The following IGSF3 variants were observed in gnomAD, a reference collection of about 807,000 sequenced individuals.
IGSF3 encodes the protein immunoglobulin superfamily member 3.
IGSF3 carries 23 observed loss-of-function variants against 114.4 expected under a neutral mutation model. The observed-to-expected ratio is 0.20, with a 90% CI of 0.14 to 0.28. The LOEUF is 0.28. IGSF3 is among the 10% of genes least tolerant of loss of function. IGSF3 has a pLI of 1.00. For synonymous variants in IGSF3, 571 were observed against 645.2 expected, an observed-to-expected ratio of 0.88 and a Z score of 1.74; for missense variants, 1,172 against 1,591.5, an observed-to-expected ratio of 0.74 and a Z score of 4.48.
rs142857676 is a variant in IGSF3 at position 116,648,393 on chromosome 1, A to G, written c.43+17891T>C. On this transcript the variant is annotated intron_variant, in intron 2 of 10. Transcript: ENST00000369486. The surrounding 1 kb of genome is among the most constrained non-coding windows in gnomAD (Gnocchi z 4.7). ...AGAAACAGGATGCACGGGAGATCAC[A>G]CACAGAGTAAGAGGTGCCTCTCAAA... Among the ~76,000 whole-genome samples the G allele has an allele frequency of 2.0e-3, 311 of 152,322 alleles. 2 individuals carry two copies. The highest frequency in any genetic ancestry group is 7.0e-3 in the African/African-American group (291 of 41,572).
chr1:116,602,052 T>C (rs956171602), intron 6 of IGSF3, among the ~76,000 whole-genome samples: 3 of 152,242 alleles, frequency 2.0e-5, no homozygotes, highest in African/African-American at 7.2e-5. Flanking sequence ...ATGTGTGTCA[T>C]TGTTAACTTT....
chr1:116,590,827 C>T (rs560427613), intron 7 of IGSF3, among the ~76,000 whole-genome samples: 43 of 152,160 alleles, frequency 2.8e-4, no homozygotes, highest in Middle Eastern at 3.4e-3. Flanking sequence ...CCCTGTAACA[C>T]ACAGACAAAT....
Position 116,664,365 on chromosome 1 carries a change from C to T in IGSF3, c.43+1919G>A, listed in dbSNP as rs1246749827. Among the ~76,000 whole-genome samples the T allele has an allele frequency of 6.6e-6, 1 of 152,164 alleles. No homozygotes were observed. Among genetic ancestry groups the T allele is most frequent in the Admixed American group, 6.5e-5 (1 of 15,278 alleles). Reference sequence around the variant, plus strand: ...CCACTCCACAGAGTGGCCCAGAGAGCGAACAGCAGGGGGACCAGCATGCAG... The same window carrying T: ...CCACTCCACAGAGTGGCCCAGAGAGTGAACAGCAGGGGGACCAGCATGCAG... On this transcript the variant is annotated intron_variant, in intron 2 of 10. Transcript: ENST00000369486. This position sits in a 1 kb window ranked among gnomAD's most constrained non-coding sequence, Gnocchi z 4.6.
intron 2 of IGSF3, among the ~76,000 whole-genome samples, chr1:116,658,838 C>T (rs1557888432): frequency 6.6e-6 from 1 of 152,216 alleles, no homozygotes; most frequent in South Asian, 2.1e-4. Context: ...TCAGTGAACA[C>T]ATCCTGTCAG....
Position 116,592,734 on chromosome 1 carries a change from C to A in IGSF3, c.2030-3630G>T, listed in dbSNP as rs1295570208. Among the ~76,000 whole-genome samples, 1 of 152,202 alleles carries A rather than the reference C, an allele frequency of 6.6e-6. No individual in the cohort carries two copies. Among genetic ancestry groups the A allele is most frequent in the Non-Finnish European group, 1.5e-5 (1 of 68,042 alleles). On this transcript the variant is annotated intron_variant, in intron 7 of 10. Coordinates refer to ENST00000369486, the MANE Select transcript of IGSF3 (RefSeq NM_001007237.3). This position sits in a 1 kb window ranked among gnomAD's most constrained non-coding sequence, Gnocchi z 4.5. ...ACGCTCTACTATAGCTGTGTTACTG[C>A]TGCCTTACAACGAAGGTAATTCTTA...
At position 116,633,170 on chromosome 1, in the gene IGSF3, C is replaced by A. The variant is rs1453955607; in HGVS notation, c.44-16713G>T. Reference sequence around the variant, plus strand: ...GCTAAGAAGTTGGTCCCAGCCTGGGCATGGTACCACTGTCCTACATTCCAG... The same window carrying A: ...GCTAAGAAGTTGGTCCCAGCCTGGGAATGGTACCACTGTCCTACATTCCAG... On this transcript the variant is annotated intron_variant, in intron 2 of 10. Transcript: ENST00000369486. The surrounding 1 kb of genome is among the most constrained non-coding windows in gnomAD (Gnocchi z 4.3). 6.6e-6 allele frequency among the ~76,000 whole-genome samples: 1 copy of A among 152,242 alleles called. No homozygotes were observed. Among genetic ancestry groups the A allele is most frequent in the African/African-American group, 2.4e-5 (1 of 41,466 alleles).
rs1378691771 is a variant in IGSF3, at chr1:116,598,972, G to A, written c.2029+969C>T. Among the ~76,000 whole-genome samples the A allele has an allele frequency of 6.6e-6, 1 of 152,212 alleles. No individual in the cohort carries two copies. The highest frequency in any genetic ancestry group is 1.5e-5 in the Non-Finnish European group (1 of 68,026). ...AATGCATCCTTATGATCCGCTTTGA[G>A]ACAGACTCAGCCTCCATAGAGAAAG... On this transcript the variant is annotated intron_variant, in intron 7 of 10. Transcript: ENST00000369486. The surrounding 1 kb of genome is among the most constrained non-coding windows in gnomAD (Gnocchi z 4.3).
rs947475721 is a variant in IGSF3 at position 116,662,317 on chromosome 1, C to A, written c.43+3967G>T. Reference sequence around the variant, plus strand: ...AACTCCTGACCTCAAGTGATCCACCCGCCTCAGCCTCCCAAAGTGCTGCGG... The same window carrying A: ...AACTCCTGACCTCAAGTGATCCACCAGCCTCAGCCTCCCAAAGTGCTGCGG... On this transcript the variant is annotated intron_variant, in intron 2 of 10. Coordinates refer to ENST00000369486, the MANE Select transcript of IGSF3 (RefSeq NM_001007237.3). This position sits in a 1 kb window ranked among gnomAD's most constrained non-coding sequence, Gnocchi z 4.3. Among the ~76,000 whole-genome samples, 1 of 152,024 alleles carries A rather than the reference C, an allele frequency of 6.6e-6. No homozygotes were observed. Among genetic ancestry groups the A allele is most frequent in the Non-Finnish European group, 1.5e-5 (1 of 68,016 alleles).
At position 116,582,908 on chromosome 1, in the gene IGSF3, T is replaced by G. The variant is rs148530492; in HGVS notation, c.2848+1737A>C. Reference sequence around the variant, plus strand: ...TGTTTTGTAATTAGTACAATCAACTTATGCAATCAGGGACAGATGGACAAA... The same window carrying G: ...TGTTTTGTAATTAGTACAATCAACTGATGCAATCAGGGACAGATGGACAAA... On this transcript the variant is annotated intron_variant, in intron 9 of 10. Coordinates refer to ENST00000369486, the MANE Select transcript of IGSF3 (RefSeq NM_001007237.3). This position sits in a 1 kb window ranked among gnomAD's most constrained non-coding sequence, Gnocchi z 4.7. Among the ~76,000 whole-genome samples the G allele has an allele frequency of 1.2e-3, 176 of 152,338 alleles. No homozygotes were observed. The highest frequency in any genetic ancestry group is 4.0e-3 in the African/African-American group (165 of 41,586).
In IGSF3 at chr1:116,579,931, A is replaced by T; in HGVS notation, c.2849-54T>A. 7.1e-7 allele frequency: 1 copy of T among 1,415,072 alleles called. No homozygotes were observed. Among genetic ancestry groups the T allele is most frequent in the Non-Finnish European group, 9.5e-7 (1 of 1,049,814 alleles). The allele number at this position is 1,415,072 out of a possible 1,614,324, so 87.7% of individuals were successfully genotyped here. A position where few individuals can be genotyped will look rare whatever the true frequency, so the allele number is the denominator to read the frequency against. Reference sequence around the variant, plus strand: ...AGGGGTTGTTTAAATTTATTTGCTCAAAATAAACTAAATGTCCATCATTAA... The same window carrying T: ...AGGGGTTGTTTAAATTTATTTGCTCTAAATAAACTAAATGTCCATCATTAA... On this transcript the variant is annotated intron_variant, in intron 9 of 10. Coordinates refer to ENST00000369486, the MANE Select transcript of IGSF3 (RefSeq NM_001007237.3). This position sits in a 1 kb window ranked among gnomAD's most constrained non-coding sequence, Gnocchi z 6.4.
Position 116,648,278 on chromosome 1 carries a change from C to G in IGSF3, c.43+18006G>C, listed in dbSNP as rs1216438623. On this transcript the variant is annotated intron_variant, in intron 2 of 10. Transcript: ENST00000369486. This position sits in a 1 kb window ranked among gnomAD's most constrained non-coding sequence, Gnocchi z 4.7. ...ATTTTCAAACTTATCAAGAAAAGCT[C>G]CAGAGAGGACAATGCCAGCAATGCC... is the stretch of plus-strand genomic sequence containing the variant. Among the ~76,000 whole-genome samples the G allele has an allele frequency of 6.6e-6, 1 of 152,196 alleles. No homozygotes were observed. Among genetic ancestry groups the G allele is most frequent in the Non-Finnish European group, 1.5e-5 (1 of 68,044 alleles).
At position 116,661,955 on chromosome 1, in the gene IGSF3, C is replaced by T. The variant is rs965671105; in HGVS notation, c.43+4329G>A. ...GCCTTTTCTTCCTTCCTGATGGCTG[C>T]GGCTAGAAGAGTCATCTTGGACCAT... On this transcript the variant is annotated intron_variant, in intron 2 of 10. Coordinates refer to ENST00000369486, the MANE Select transcript of IGSF3 (RefSeq NM_001007237.3). The surrounding 1 kb of genome is among the most constrained non-coding windows in gnomAD (Gnocchi z 4.0). Among the ~76,000 whole-genome samples, 1 of 152,104 alleles carries T rather than the reference C, an allele frequency of 6.6e-6. No homozygotes were observed. Among genetic ancestry groups the T allele is most frequent in the Non-Finnish European group, 1.5e-5 (1 of 68,012 alleles).
Position 116,629,513 on chromosome 1 carries a change from T to C in IGSF3, c.44-13056A>G, listed in dbSNP as rs1647461144. On this transcript the variant is annotated intron_variant, in intron 2 of 10. Transcript: ENST00000369486. The surrounding 1 kb of genome is among the most constrained non-coding windows in gnomAD (Gnocchi z 4.3). ...CCCAAAAAAAGAAGTCAGAGAGGGG[T>C]GAATATTTTGGTACAGATGAATTCA... Among the ~76,000 whole-genome samples, 1 of 151,796 alleles carries C rather than the reference T, an allele frequency of 6.6e-6. No homozygotes were observed. Among genetic ancestry groups the C allele is most frequent in the Admixed American group, 6.6e-5 (1 of 15,250 alleles).
rs4044856 is a variant in IGSF3, at chr1:116,616,598, T to C, written c.44-141A>G. On this transcript the variant is annotated intron_variant, in intron 2 of 10. Transcript: ENST00000369486. This position sits in a 1 kb window ranked among gnomAD's most constrained non-coding sequence, Gnocchi z 6.6. ...GCTTACTGGCCCTTTCAAAGGCGCT[T>C]TGTGATTTATAAATATTAATTAAAA... The C allele has an allele frequency of 1.5e-6, 1 of 645,510 alleles. No individual in the cohort carries two copies. Among genetic ancestry groups the C allele is most frequent in the Non-Finnish European group, 2.6e-6 (1 of 386,392 alleles). 40.0% of individuals were successfully genotyped at this position (645,510 alleles called of 1,614,324 possible).
intron 2 of IGSF3, among the ~76,000 whole-genome samples, chr1:116,621,266 G>A (rs1310186894): frequency 6.6e-6 from 1 of 152,108 alleles, no homozygotes; most frequent in African/African-American, 2.4e-5. Flanking sequence ...AACAGCCTGT[G>A]GAACTGTGAG....
rs1661204936 is a variant in IGSF3 at position 116,616,065 on chromosome 1, A to G, written c.421+15T>C. ...CAGGCCAGACGCTGGCAACGTGAAGACAGCTTCTCCTTACCCACTAGGTTC... is the reference window on the plus strand; with the variant it reads ...CAGGCCAGACGCTGGCAACGTGAAGGCAGCTTCTCCTTACCCACTAGGTTC... On this transcript the variant is annotated intron_variant, in intron 3 of 10. Transcript: ENST00000369486. The surrounding 1 kb of genome is among the most constrained non-coding windows in gnomAD (Gnocchi z 6.6). 35 of 1,582,534 alleles carry G rather than the reference A, an allele frequency of 2.2e-5. No homozygotes were observed. Among genetic ancestry groups the G allele is most frequent in the Non-Finnish European group, 3.0e-5 (35 of 1,154,810 alleles).
rs1649266656 is a variant in IGSF3, at chr1:116,664,933, G to C, written c.43+1351C>G. 6.6e-6 allele frequency among the ~76,000 whole-genome samples: 1 copy of C among 152,178 alleles called. No homozygotes were observed. The highest frequency in any genetic ancestry group is 2.4e-5 in the African/African-American group (1 of 41,428). On this transcript the variant is annotated intron_variant, in intron 2 of 10. Coordinates refer to ENST00000369486, the MANE Select transcript of IGSF3 (RefSeq NM_001007237.3). The surrounding 1 kb of genome is among the most constrained non-coding windows in gnomAD (Gnocchi z 4.6). ...AAGCGAGTTTGGTTTCACTGATCTGGGGTTGTTGCCTGAAATCAGAATTTT... is the reference window on the plus strand; with the variant it reads ...AAGCGAGTTTGGTTTCACTGATCTGCGGTTGTTGCCTGAAATCAGAATTTT...
At chr1:116,581,549 T>C (rs1256296020) in intron 9 of IGSF3, among the ~76,000 whole-genome samples, 1 of 152,040 alleles carries the variant, frequency 6.6e-6, no homozygotes, top group African/African-American at 2.4e-5. Flanking sequence ...ATTGGCTTAG[T>C]GTCGCTCACA....
intron 2 of IGSF3, among the ~76,000 whole-genome samples, chr1:116,643,376 A>G (rs1209493192): frequency 2.0e-5 from 3 of 152,226 alleles, no homozygotes; most frequent in Non-Finnish European, 4.4e-5. Context: ...CCGCAGGTCA[A>G]TGATTCAGGG....
Sources: allele counts gnomAD v4.1 joint callset (sites outside exome capture counted in the v4.1 genomes callset), GRCh38; gene constraint gnomAD v4.1.1; non-coding constraint Gnocchi (gnomAD v3.1); transcripts MANE v1.5; gene names NCBI Gene and HGNC (gene_info 2026-07-23, HGNC 2026-07-21).